DLG2: variants seen among roughly 807,000 people sequenced by gnomAD.
DLG2 encodes the protein disks large homolog 2.
A neutral mutation model predicts 132.5 loss-of-function variants in DLG2; 45 were observed. The ratio of observed to expected loss-of-function variants is 0.34; its 90% CI spans 0.27 to 0.44. The LOEUF is 0.44. Ranked by LOEUF, DLG2 falls within the 20% of genes least tolerant of loss-of-function variation. The probability of loss-of-function intolerance (pLI) is 1.00; values close to 1 mark genes in which losing one functional copy is unlikely to be tolerated. For synonymous variants in DLG2, 424 were observed against 419.6 expected (o/e 1.01, Z -0.13); for missense variants, 1,045 against 1,196.9 (o/e 0.87, Z 1.87).
intron 7 of DLG2, among the ~76,000 whole-genome samples, chr11:84,347,424 G>A (rs893469775): frequency 6.6e-6 from 1 of 152,074 alleles, no homozygotes; most frequent in African/African-American, 2.4e-5. Context: ...TTGATATTTG[G>A]TTTACCCTCT....
At chr11:85,550,367 C>T (rs986134335) in intron 3 of DLG2, among the ~76,000 whole-genome samples, 1 of 152,238 alleles carries the variant, frequency 6.6e-6, no homozygotes. Flanking sequence ...CCCAACTGGA[C>T]GCTGCCACGG....
chr11:84,818,733 C>T (rs1258138406), intron 6 of DLG2, among the ~76,000 whole-genome samples: 1 of 151,810 alleles, frequency 6.6e-6, no homozygotes, highest in African/African-American at 2.4e-5. Flanking sequence ...GTATTTTAAT[C>T]CTATAAGGTA....
chr11:84,411,348 C>A (rs1345379086), intron 7 of DLG2, among the ~76,000 whole-genome samples: 1 of 152,196 alleles, frequency 6.6e-6, no homozygotes, highest in Non-Finnish European at 1.5e-5. Flanking sequence ...CATATATTAT[C>A]TTTTCAGAAA....
rs1278093576 is a variant in DLG2 at position 84,960,880 on chromosome 11, CAAACT to C, written c.357+150776_357+150780del. Among the ~76,000 whole-genome samples, 8 of 152,026 alleles carry C rather than the reference CAAACT, an allele frequency of 5.3e-5. No individual in the cohort carries two copies. The East Asian group carries it at 1.5e-3, about 29-fold the overall frequency. Reference sequence around the variant, plus strand: ...CAATTTCAAGTTTTTCATTGTTCACCAAACTTTGCACAGCCCCTGATGCATAATAC... The same window carrying C: ...CAATTTCAAGTTTTTCATTGTTCACCTTGCACAGCCCCTGATGCATAATAC... On this transcript the variant is annotated intron_variant, in intron 6 of 27. Transcript: ENST00000376104.
intron 8 of DLG2, among the ~76,000 whole-genome samples, chr11:84,172,426 T>C (rs1016793106): frequency 2.6e-5 from 4 of 152,188 alleles, no homozygotes; most frequent in Non-Finnish European, 5.9e-5. Flanking sequence ...AAATTTCTAA[T>C]CTTAATTACA....
intron 19 of DLG2, among the ~76,000 whole-genome samples, chr11:83,629,964 CACAAT>C (rs1461447834): frequency 6.6e-6 from 1 of 152,106 alleles, no homozygotes; most frequent in Non-Finnish European, 1.5e-5. Context: ...GCAGGAAATA[CACAAT>C]ACAAGTAGCA....
chr11:83,497,445 G>A (rs1327897217), intron 21 of DLG2, among the ~76,000 whole-genome samples: 3 of 151,930 alleles, frequency 2.0e-5, no homozygotes, highest in Non-Finnish European at 4.4e-5. Flanking sequence ...TGAGACAGGA[G>A]AATTGCTTGA....
intron 8 of DLG2, among the ~76,000 whole-genome samples, chr11:84,194,797 C>T (rs2096483851): frequency 6.6e-6 from 1 of 152,222 alleles, no homozygotes; most frequent in African/African-American, 2.4e-5. Flanking sequence ...CTGCCAGTCC[C>T]ACACCCTGCG....
At chr11:85,476,298 C>A (rs543711659) in intron 3 of DLG2, among the ~76,000 whole-genome samples, 1 of 152,136 alleles carries the variant, frequency 6.6e-6, no homozygotes, top group African/African-American at 2.4e-5. Context: ...ATGGGGCTTA[C>A]AAGTCAAGTC....
chr11:84,736,931 CTGATCT>C (rs2063911127), intron 6 of DLG2, among the ~76,000 whole-genome samples: 1 of 151,902 alleles, frequency 6.6e-6, no homozygotes, highest in Non-Finnish European at 1.5e-5. Context: ...ATCCCTGTTC[CTGATCT>C]TAAGGGGAAA....
At chr11:83,936,794 A>G (rs971143862) in intron 14 of DLG2, among the ~76,000 whole-genome samples, 7 of 152,236 alleles carry the variant, frequency 4.6e-5, no homozygotes, top group Non-Finnish European at 8.8e-5. Context: ...GAAGTTGAAT[A>G]TTAATGACCT....
intron 3 of DLG2, among the ~76,000 whole-genome samples, chr11:85,360,170 G>A (rs763088175): frequency 1.3e-5 from 2 of 152,106 alleles, no homozygotes; most frequent in Non-Finnish European, 2.9e-5. Flanking sequence ...ACTTGTCAGC[G>A]GTTTCTAGTT....
intron 6 of DLG2, among the ~76,000 whole-genome samples, chr11:85,033,128 G>C (rs897805616): frequency 9.2e-5 from 14 of 152,186 alleles, no homozygotes; most frequent in Admixed American, 6.5e-4. Context: ...ACTGTTTTTT[G>C]TCTGTGGTTC....
chr11:84,035,659 T>C (rs1440230349), intron 11 of DLG2, among the ~76,000 whole-genome samples: 1 of 152,146 alleles, frequency 6.6e-6, no homozygotes, highest in Non-Finnish European at 1.5e-5. Flanking sequence ...GGGAAGCTAG[T>C]AGATAGTTTG....
At chr11:83,634,798 G>T (rs116495869) in intron 18 of DLG2, among the ~76,000 whole-genome samples, 1 of 152,038 alleles carries the variant, frequency 6.6e-6, no homozygotes, top group African/African-American at 2.4e-5. Context: ...ATAGATAACA[G>T]GAAAATAAAC....
intron 4 of DLG2, among the ~76,000 whole-genome samples, chr11:85,181,011 C>A (rs191816172): frequency 6.6e-6 from 1 of 151,696 alleles, no homozygotes; most frequent in African/African-American, 2.4e-5. Flanking sequence ...TCATAGAAAT[C>A]TTATTTAATC....
At chr11:84,534,777 T>C in intron 6 of DLG2, 46 bp from the exon 7 acceptor site, 1 of 1,592,434 alleles carries the variant, frequency 6.3e-7, no homozygotes, top group Non-Finnish European at 8.6e-7. Flanking sequence ...TATCAGTGTT[T>C]GTAAAGGATA....
intron 6 of DLG2, among the ~76,000 whole-genome samples, chr11:84,973,453 A>G (rs997172088): frequency 2.4e-4 from 36 of 152,200 alleles, no homozygotes; most frequent in Admixed American, 7.8e-4. Context: ...CGTTGTCCAG[A>G]TGCACTCATG....
chr11:85,045,523 A>G (rs571794458), intron 6 of DLG2, among the ~76,000 whole-genome samples: 282 of 152,186 alleles, frequency 1.9e-3, no homozygotes, highest in African/African-American at 6.5e-3. Context: ...TATCTTCATT[A>G]AAAGAGAGAG....
Sources: allele counts gnomAD v4.1 joint callset (sites outside exome capture counted in the v4.1 genomes callset), GRCh38; gene constraint gnomAD v4.1.1; transcripts MANE v1.5; gene names NCBI Gene and HGNC (gene_info 2026-07-23, HGNC 2026-07-21).